The following TAF6L variants were observed in gnomAD, a reference collection of about 807,000 sequenced individuals.
The protein encoded by TAF6L is TATA-box binding protein associated factor 6 like.
TAF6L carries 34 observed loss-of-function variants against 57.3 expected under a neutral mutation model. The ratio of observed to expected loss-of-function variants is 0.59; its 90% CI spans 0.45 to 0.79. The LOEUF is 0.79. Among genes scored for constraint, TAF6L ranks in the 30% least tolerant of loss-of-function variants. The pLI, the probability that TAF6L is intolerant of heterozygous loss-of-function variation, is 0.00. For missense variants in TAF6L, 782 were observed against 853.2 expected (o/e 0.92, Z 1.04); for synonymous variants, 417 against 376.3 (o/e 1.11, Z -1.25).
In TAF6L at chr11:62,786,386, C is replaced by T. The variant is rs201909306; in HGVS notation, c.1087C>T (p.Leu363=). The T allele has an allele frequency of 8.3e-5, 134 of 1,613,252 alleles. No homozygotes were observed. The highest frequency in any genetic ancestry group is 9.9e-5 in the Non-Finnish European group (117 of 1,179,350). The stretch of plus-strand genomic sequence containing the variant: ...TGGACACAAAGTCTATGGAGCCATT[C>T]TGGTGAGTACCGTCCCCTTCCAGCC... ...ADGHKVYGAI[L]VAVERLLKMK... Residue 363 remains leucine, a splice_region_variant and synonymous_variant, in exon 10 of 11, where the codon CTG becomes TTG. Coordinates refer to ENST00000294168, the MANE Select transcript of TAF6L (RefSeq NM_006473.4).
At chr11:62,783,573 C>T (rs1391225446) in intron 9 of TAF6L, among the ~76,000 whole-genome samples, 10 of 143,060 alleles carry the variant, frequency 7.0e-5, no homozygotes, top group East Asian at 2.1e-4. Flanking sequence ...TTGCTCTTGT[C>T]GCCCAGGCTA....
chr11:62,787,216 A>C lies in TAF6L; in HGVS notation c.1789A>C (p.Lys597Gln), dbSNP rs756758938. 1.9e-6 allele frequency: 3 copies of C among 1,587,884 alleles called. No homozygotes were observed. In the South Asian group the frequency reaches 3.3e-5, roughly 18 times the overall value. The change falls in exon 11 of 11, where the codon AAA (lysine) becomes CAA (glutamine). Residue 597 changes from lysine to glutamine, a missense_variant. Coordinates refer to ENST00000294168, the MANE Select transcript of TAF6L (RefSeq NM_006473.4). ...GPSPASRYVQ[K>Q]LPMIGRTSRP... ...TAGCCCGGCCTCGCGCTACGTGCAG[A>C]AACTGCCCATGATCGGCCGTACCAG...
intron 1 of TAF6L, chr11:62,772,066 T>G (rs2084152322): frequency 1.5e-5 from 7 of 456,142 alleles, no homozygotes; most frequent in Non-Finnish European, 3.1e-5. Flanking sequence ...CCCTACTTAC[T>G]CAGTGCTTAC....
intron 1 of TAF6L, among the ~76,000 whole-genome samples, chr11:62,775,484 G>A (rs1050379932): frequency 3.9e-5 from 6 of 152,250 alleles, no homozygotes; most frequent in African/African-American, 1.4e-4. Flanking sequence ...CAAGGGCTCA[G>A]ACTGATGAAG....
chr11:62,776,475 G>A lies in TAF6L; in HGVS notation c.234+5G>A. ...CTCAGATGGAGCAGCGTGGAGGTGAGTGGGGTGCAGGCTACAGAGGGCTCA... is the reference window on the plus strand; with the variant it reads ...CTCAGATGGAGCAGCGTGGAGGTGAATGGGGTGCAGGCTACAGAGGGCTCA... On this transcript the variant is annotated splice_donor_5th_base_variant and intron_variant, in intron 3 of 10. Coordinates refer to ENST00000294168, the MANE Select transcript of TAF6L (RefSeq NM_006473.4). The A allele has an allele frequency of 6.2e-7, 1 of 1,613,396 alleles. No homozygotes were observed.
At chr11:62,772,276 C>G in intron 1 of TAF6L, 1 of 376,130 alleles carries the variant, frequency 2.7e-6, no homozygotes, top group South Asian at 2.0e-5. Flanking sequence ...AATCCTAGCA[C>G]TTTGGGAGGC....
At chr11:62,780,240 C>T (rs1000009827) in intron 6 of TAF6L, among the ~76,000 whole-genome samples, 11 of 151,480 alleles carry the variant, frequency 7.3e-5, no homozygotes, top group African/African-American at 2.2e-4. Flanking sequence ...ATTGCTTGAA[C>T]CCAGGAGGCA....
intron 9 of TAF6L, among the ~76,000 whole-genome samples, chr11:62,783,381 C>T (rs941498510): frequency 6.6e-6 from 1 of 151,644 alleles, no homozygotes; most frequent in South Asian, 2.1e-4. Context: ...ACTCGGGAGG[C>T]TGAGGCAGGA....
At chr11:62,774,904 AAAAAAAT>A (rs1315829463) in intron 1 of TAF6L, among the ~76,000 whole-genome samples, 4 of 150,748 alleles carry the variant, frequency 2.7e-5, no homozygotes, top group African/African-American at 4.9e-5. Context: ...AAAAAAAAAA[AAAAAAAT>A]TTAGCCATCC....
chr11:62,779,952 C>CTATATATATA (rs1225374367), intron 6 of TAF6L, among the ~76,000 whole-genome samples: 10 of 100,048 alleles, frequency 1.0e-4, no homozygotes, highest in African/African-American at 4.5e-4. Flanking sequence ...AGGCGTGAGC[C>CTATATATATA]TATATATATA....
chr11:62,780,263 A>C (rs1374068205), intron 6 of TAF6L, among the ~76,000 whole-genome samples: 2 of 151,696 alleles, frequency 1.3e-5, no homozygotes, highest in Non-Finnish European at 1.5e-5. Flanking sequence ...GGTTGCTGTG[A>C]GTCAAGATCA....
Position 62,778,922 on chromosome 11 carries a change from G to A in TAF6L, c.490G>A (p.Val164Met), listed in dbSNP as rs372721055. The change falls in exon 6 of 11, where the codon GTG becomes ATG. Residue 164 changes from valine to methionine, a missense_variant. Transcript: ENST00000294168. ...TGACCTTCTCAAGTACTATCACCAG[G>A]TGACTCGTGCTGTGCTAGGGGATGA... is the stretch of plus-strand genomic sequence containing the variant. The part of the protein sequence containing the change: ...TDDLLKYYHQ[V>M]TRAVLGDDPQ... 3.8e-5 allele frequency: 61 copies of A among 1,614,040 alleles called. No homozygotes were observed. The African/African-American group carries it at 7.9e-4, about 21-fold the overall frequency.
At position 62,786,728 on chromosome 11, in the gene TAF6L, C is replaced by G. The variant is rs200048334; in HGVS notation, c.1301C>G (p.Ser434Trp). 1.9e-6 allele frequency: 3 copies of G among 1,613,108 alleles called. No homozygotes were observed. Among genetic ancestry groups the G allele is most frequent in the Non-Finnish European group, 2.5e-6 (3 of 1,179,856 alleles). ...GGAGPEDPSL[S>W]VTLADIYREL... ...GCGGGGCCGGAGGACCCTTCTCTTT[C>G]GGTGACCCTGGCCGACATCTACCGG... is the stretch of plus-strand genomic sequence containing the variant. The change falls in exon 11 of 11, where the codon TCG (serine) becomes TGG (tryptophan). Residue 434 changes from serine to tryptophan, a missense_variant. Physicochemically the swap from Ser to Trp is radical, Grantham distance 177 (BLOSUM62 -3). Transcript: ENST00000294168.
chr11:62,782,897 C>T (rs1300598197), intron 9 of TAF6L, 72 bp downstream of exon 9: 43 of 1,580,018 alleles, frequency 2.7e-5, no homozygotes, highest in Admixed American at 8.6e-5. Context: ...ACTTGTGCAT[C>T]GTTATCTCCA....
Position 62,778,849 on chromosome 11 carries a change from T to C in TAF6L, c.437-20T>C. ...GGCCAGCTCTCCACCTGTCCCTGCT[T>C]CCTGCCTGTCCTCTGGCAGTGCCCA... On this transcript the variant is annotated intron_variant, in intron 5 of 10. Coordinates refer to ENST00000294168, the MANE Select transcript of TAF6L (RefSeq NM_006473.4). 1 of 1,611,356 alleles carries C rather than the reference T, an allele frequency of 6.2e-7. No individual in the cohort carries two copies. Among genetic ancestry groups the C allele is most frequent in the Non-Finnish European group, 8.5e-7 (1 of 1,177,848 alleles).
At chr11:62,780,415 G>C (rs900532094) in intron 6 of TAF6L, among the ~76,000 whole-genome samples, 4 of 152,036 alleles carry the variant, frequency 2.6e-5, no homozygotes, top group Admixed American at 1.3e-4. Flanking sequence ...GGAGGCTGAC[G>C]CAGGAGAATC....
At chr11:62,778,379 CCCT>C in intron 5 of TAF6L, 44 bp downstream of exon 5, 1 of 1,611,030 alleles carries the variant, frequency 6.2e-7, no homozygotes, top group Middle Eastern at 1.7e-4. Flanking sequence ...TGAATTTTCT[CCCT>C]TAGGTTCTGA....
chr11:62,786,827 G>C lies in TAF6L; in HGVS notation c.1400G>C (p.Arg467Pro), dbSNP rs777957144. The stretch of plus-strand genomic sequence containing the variant: ...GGCCAGCCTGCACCCACGGCTCCGC[G>C]GCCGCCCGGGGACAAGAAGGAGCCG... The part of the protein sequence containing the change: ...GTGQPAPTAP[R>P]PPGDKKEPAA... Residue 467 changes from arginine (R) to proline (P), a missense_variant, in exon 11 of 11, where the codon CGG (arginine) becomes CCG (proline). By Grantham distance (103) the Arg-to-Pro change is moderately radical. Around this residue, in one of 3 missense-constraint regions of TAF6L, gnomAD observed 483 missense variants for 445.1 expected, o/e 1.09. Transcript: ENST00000294168. 7 of 1,603,618 alleles carry C rather than the reference G, an allele frequency of 4.4e-6. No individual in the cohort carries two copies. Among genetic ancestry groups the C allele is most frequent in the Non-Finnish European group, 8.5e-7 (1 of 1,178,794 alleles).
At position 62,775,462 on chromosome 11, in the gene TAF6L, C is replaced by T. The variant is rs555300742; in HGVS notation, c.-13-309C>T. 1.1e-4 allele frequency among the ~76,000 whole-genome samples: 17 copies of T among 152,326 alleles called. No homozygotes were observed. In the South Asian group the frequency reaches 3.5e-3, roughly 32 times the overall value. ...GGCAGGAATTATTGTGCCTGTTTTACAGTTTAGGACACAAGGGCTCAGACT... is the reference window on the plus strand; with the variant it reads ...GGCAGGAATTATTGTGCCTGTTTTATAGTTTAGGACACAAGGGCTCAGACT... On this transcript the variant is annotated intron_variant, in intron 1 of 10. Coordinates refer to ENST00000294168, the MANE Select transcript of TAF6L (RefSeq NM_006473.4).
Sources: gnomAD v4.1 joint callset for allele counts (sites outside exome capture counted in the v4.1 genomes callset) on GRCh38, gnomAD v4.1.1 for gene constraint, gnomAD v4.1.1 regional missense constraint, MANE v1.5 for transcripts, NCBI Gene and HGNC (gene_info 2026-07-23, HGNC 2026-07-21) for gene names.